FLRT1: variants seen among roughly 807,000 people sequenced by gnomAD.
The protein encoded by FLRT1 is fibronectin leucine rich transmembrane protein 1, also known as leucine-rich repeat transmembrane protein FLRT1.
In FLRT1, 14 loss-of-function variants were observed where a neutral mutation model predicts 30.9. That is an observed-to-expected ratio of 0.45 (90% CI 0.30 to 0.71). The LOEUF is 0.71. Among genes scored for constraint, FLRT1 ranks in the 30% least tolerant of loss-of-function variants. The probability of loss-of-function intolerance (pLI) is 0.08; values close to 1 mark genes in which losing one functional copy is unlikely to be tolerated. For missense variants in FLRT1, 737 were observed against 949.2 expected, an observed-to-expected ratio of 0.78 and a Z score of 2.94; for synonymous variants, 368 against 430.4, an observed-to-expected ratio of 0.85 and a Z score of 1.80.
rs145358494 is a variant in FLRT1, at chr11:64,075,680, T to G, written c.-1037-27514T>G. On this transcript the variant is annotated intron_variant, in intron 1 of 2. Coordinates refer to ENST00000682287, the MANE Select transcript of FLRT1 (RefSeq NM_013280.5). The stretch of plus-strand genomic sequence containing the variant: ...GAATCTGGCCCTGGCTGCTGCTGCT[T>G]CTTTTTTTTGAGATGGAGTTGCGCT... Among the ~76,000 whole-genome samples the G allele has an allele frequency of 5.2e-3, 793 of 152,316 alleles. 7 individuals are homozygous for G. Among genetic ancestry groups the G allele is most frequent in the African/African-American group, 0.017 (698 of 41,572 alleles).
At chr11:64,114,970 T>C (rs1445984518) in intron 2 of FLRT1, among the ~76,000 whole-genome samples, 1 of 152,122 alleles carries the variant, frequency 6.6e-6, no homozygotes, top group Non-Finnish European at 1.5e-5. Context: ...TTTGGCCTGG[T>C]TGAGTAACAG....
At chr11:64,088,331 G>A (rs1009551150) in intron 1 of FLRT1, among the ~76,000 whole-genome samples, 7 of 152,160 alleles carry the variant, frequency 4.6e-5, no homozygotes, top group Admixed American at 1.3e-4. Context: ...GGGCCAGGGA[G>A]GGGCAGCATA....
intron 1 of FLRT1, among the ~76,000 whole-genome samples, chr11:64,046,552 G>C (rs909880017): frequency 6.6e-6 from 1 of 152,156 alleles, no homozygotes; most frequent in Non-Finnish European, 1.5e-5. Flanking sequence ...TGATTGGCCC[G>C]TTCTTTTTTT....
intron 1 of FLRT1, among the ~76,000 whole-genome samples, chr11:64,049,282 AGGGACT>A (rs1268966295): frequency 6.6e-6 from 1 of 152,124 alleles, no homozygotes; most frequent in Non-Finnish European, 1.5e-5. Flanking sequence ...GAAGCGAAAA[AGGGACT>A]GGCCCAGGAT....
At chr11:64,091,021 A>G (rs1205455379) in intron 1 of FLRT1, among the ~76,000 whole-genome samples, 1 of 136,960 alleles carries the variant, frequency 7.3e-6, no homozygotes, top group Non-Finnish European at 1.6e-5. Flanking sequence ...GAGAAGGGGG[A>G]GGAGGGAGGG....
At chr11:64,088,598 C>T (rs1417988736) in intron 1 of FLRT1, among the ~76,000 whole-genome samples, 2 of 143,518 alleles carry the variant, frequency 1.4e-5, no homozygotes, top group African/African-American at 5.4e-5. Context: ...CTCTCCTCCT[C>T]CTCCCCGGGT....
intron 1 of FLRT1, among the ~76,000 whole-genome samples, chr11:64,051,866 C>T (rs1238093592): frequency 6.6e-6 from 1 of 151,762 alleles, no homozygotes; most frequent in Non-Finnish European, 1.5e-5. Flanking sequence ...GGGCCATGGC[C>T]GTCCCATCGT....
chr11:64,095,412 A>G (rs1265378085), intron 1 of FLRT1, among the ~76,000 whole-genome samples: 1 of 152,188 alleles, frequency 6.6e-6, no homozygotes, highest in African/African-American at 2.4e-5. Context: ...CAGAGAGAGC[A>G]TGTTTATGGG....
At chr11:64,075,048 CA>C (rs1285658577) in intron 1 of FLRT1, among the ~76,000 whole-genome samples, 1 of 152,236 alleles carries the variant, frequency 6.6e-6, no homozygotes, top group Non-Finnish European at 1.5e-5. Context: ...TGTGTGCGGA[CA>C]GGGGGTTCTG....
intron 1 of FLRT1, among the ~76,000 whole-genome samples, chr11:64,057,007 C>T (rs543586202): frequency 2.6e-5 from 4 of 152,320 alleles, no homozygotes; most frequent in Admixed American, 1.3e-4. Flanking sequence ...CTTCTGCGCC[C>T]GTGTCACCCC....
At chr11:64,037,564 T>C (rs1316962786) in intron 1 of FLRT1, among the ~76,000 whole-genome samples, 3 of 151,832 alleles carry the variant, frequency 2.0e-5, no homozygotes, top group Admixed American at 6.5e-5. Flanking sequence ...GGGCCAGCAG[T>C]GAGGGGGCCC....
At position 64,112,464 on chromosome 11, in the gene FLRT1, A is replaced by G. The variant is rs557242309; in HGVS notation, c.-49-3755A>G. Reference sequence around the variant, plus strand: ...GGGAGGCGGAGGTTGTAGTGACCCAAGATCGCTCCACTGCACTCCCACCTG... The same window carrying G: ...GGGAGGCGGAGGTTGTAGTGACCCAGGATCGCTCCACTGCACTCCCACCTG... On this transcript the variant is annotated intron_variant, in intron 2 of 2. Coordinates refer to ENST00000682287, the MANE Select transcript of FLRT1 (RefSeq NM_013280.5). Among the ~76,000 whole-genome samples the G allele has an allele frequency of 3.9e-5, 6 of 152,326 alleles. No homozygotes were observed. The South Asian group carries it at 1.2e-3, about 32-fold the overall frequency.
chr11:64,056,307 C>T (rs1032468286), intron 1 of FLRT1, among the ~76,000 whole-genome samples: 4 of 152,126 alleles, frequency 2.6e-5, no homozygotes, highest in Admixed American at 1.3e-4. Context: ...AGCCCCTACA[C>T]GTTTTGCTTC....
chr11:64,066,283 C>T (rs1450004174), intron 1 of FLRT1, among the ~76,000 whole-genome samples: 21 of 118,408 alleles, frequency 1.8e-4, no homozygotes, highest in Non-Finnish European at 2.7e-4. Context: ...GGTGACAGAG[C>T]GAGACTGTCT....
intron 2 of FLRT1, among the ~76,000 whole-genome samples, chr11:64,108,696 G>A (rs1944807472): frequency 3.3e-5 from 5 of 152,240 alleles, no homozygotes; most frequent in Admixed American, 3.3e-4. Context: ...GCTTCTGCCC[G>A]CAGTCTGCCT....
At position 64,077,381 on chromosome 11, in the gene FLRT1, G is replaced by A. The variant is rs78918469; in HGVS notation, c.-1037-25813G>A. 0.01 allele frequency among the ~76,000 whole-genome samples: 1,567 copies of A among 152,298 alleles called. 140 individuals carry two copies. The East Asian group carries it at 0.23, about 22-fold the overall frequency. ...GGGAATTGGGGGCCCCTGTCACGGG[G>A]CTGCCCTGCCCTCTGTCCCTCCCCA... On this transcript the variant is annotated intron_variant, in intron 1 of 2. Coordinates refer to ENST00000682287, the MANE Select transcript of FLRT1 (RefSeq NM_013280.5).
In FLRT1 at chr11:64,067,649, C is replaced by T. The variant is rs552307249; in HGVS notation, c.-1038+31490C>T. Reference sequence around the variant, plus strand: ...TGGCCTCCGGTGCACACACAGGGTCCCCAAGCAGGCAGCTGGAGGGCTGGG... The same window carrying T: ...TGGCCTCCGGTGCACACACAGGGTCTCCAAGCAGGCAGCTGGAGGGCTGGG... On this transcript the variant is annotated intron_variant, in intron 1 of 2. Coordinates refer to ENST00000682287, the MANE Select transcript of FLRT1 (RefSeq NM_013280.5). The surrounding 1 kb of genome is among the most constrained non-coding windows in gnomAD (Gnocchi z 4.6). 6.6e-6 allele frequency among the ~76,000 whole-genome samples: 1 copy of T among 152,276 alleles called. No homozygotes were observed. Among genetic ancestry groups the T allele is most frequent in the East Asian group, 1.9e-4 (1 of 5,164 alleles).
chr11:64,043,828 T>A (rs1393412051), intron 1 of FLRT1, among the ~76,000 whole-genome samples: 2 of 151,498 alleles, frequency 1.3e-5, no homozygotes, highest in Non-Finnish European at 2.9e-5. Flanking sequence ...TTTTTTTTTT[T>A]ATGACGGAGT....
At position 64,067,306 on chromosome 11, in the gene FLRT1, C is replaced by T. The variant is rs1482336462; in HGVS notation, c.-1038+31147C>T. The stretch of plus-strand genomic sequence containing the variant: ...TCATTAACACGACATGGCCTCCTCC[C>T]CACTGCTCAGCCTCTCCCGGAGGAT... On this transcript the variant is annotated intron_variant, in intron 1 of 2. Transcript: ENST00000682287. This position sits in a 1 kb window ranked among gnomAD's most constrained non-coding sequence, Gnocchi z 4.6. 6.6e-6 allele frequency among the ~76,000 whole-genome samples: 1 copy of T among 152,112 alleles called. No individual in the cohort carries two copies. Among genetic ancestry groups the T allele is most frequent in the Admixed American group, 6.6e-5 (1 of 15,264 alleles).
Sources: gnomAD v4.1 joint callset for allele counts (sites outside exome capture counted in the v4.1 genomes callset) on GRCh38, gnomAD v4.1.1 for gene constraint, Gnocchi (gnomAD v3.1) non-coding constraint, MANE v1.5 for transcripts, NCBI Gene and HGNC (gene_info 2026-07-23, HGNC 2026-07-21) for gene names.